Variants in APLN observed in about 807,000 individuals in gnomAD.
The protein encoded by APLN is AGTRL1 ligand.
APLN carries 2 observed loss-of-function variants against 4.3 expected under a neutral mutation model. That is an observed-to-expected ratio of 0.46 (90% CI 0.19 to 1.45). The LOEUF (loss-of-function observed/expected upper bound fraction) is 1.45. Among genes scored for constraint, APLN ranks in the 40% most tolerant of loss-of-function variants. The pLI is 0.25. For synonymous variants in APLN, 34 were observed against 30.4 expected (o/e 1.12, Z -0.38); for missense variants, 80 against 70.0 (o/e 1.14, Z -0.51).
rs941524515 is a variant in APLN at position 129,654,931 on chromosome X, G to T, written c.-301C>A. 1.4e-5 allele frequency: 2 copies of T among 141,091 alleles called. No individual in the cohort carries two copies. The highest frequency in any genetic ancestry group is 2.8e-5 in the Non-Finnish European group (2 of 71,258). The allele number at this position is 141,091 out of a possible 1,213,427, so 11.6% of individuals were successfully genotyped here. ...CTCGGCCGCGGCTGCAACTGCCCGT[G>T]ACCCCGGCTGCCAGAGAGAATGCTC... On this transcript the variant is annotated 5_prime_UTR_variant, in exon 1 of 3. Coordinates refer to ENST00000429967, the MANE Select transcript of APLN (RefSeq NM_017413.5).
At position 129,647,888 on chromosome X, in the gene APLN, G is replaced by A. The variant is rs1037317423; in HGVS notation, c.*35C>T. The A allele has an allele frequency of 3.9e-5, 38 of 983,193 alleles. No individual in the cohort carries two copies. Among genetic ancestry groups the A allele is most frequent in the Non-Finnish European group, 4.9e-5 (37 of 756,087 alleles). The allele number at this position is 983,193 out of a possible 1,213,427, so 81.0% of individuals were successfully genotyped here. ...AATCTATGGAGGAGACATAACCGCC[G>A]GGGGTGGGCACTTGGGGGCCCCTTC... On this transcript the variant is annotated 3_prime_UTR_variant, in exon 3 of 3. Coordinates refer to ENST00000429967, the MANE Select transcript of APLN (RefSeq NM_017413.5).
intron 1 of APLN, 92 bp downstream of exon 1, chrX:129,654,472 G>T: frequency 3.4e-6 from 3 of 884,094 alleles, no homozygotes; most frequent in South Asian, 3.0e-5. Flanking sequence ...GGCTCGCGCC[G>T]GGCTCCCCGG....
intron 1 of APLN, among the ~76,000 whole-genome samples, chrX:129,649,718 A>C (rs1936967015): frequency 9.0e-6 from 1 of 111,187 alleles, no homozygotes; most frequent in Admixed American, 9.5e-5. Flanking sequence ...TGTCTCATGT[A>C]AATTCCTTCC....
chrX:129,654,530 T>A, intron 1 of APLN, 34 bp downstream of exon 1: 1 of 1,139,786 alleles, frequency 8.8e-7, no homozygotes, highest in Non-Finnish European at 1.2e-6. Context: ...GCACGCCGGC[T>A]GCAGCCCGGG....
In APLN at chrX:129,646,342, G is replaced by A. The variant is rs1158574170; in HGVS notation, c.*1581C>T. 1.8e-5 allele frequency: 2 copies of A among 112,811 alleles called. No individual in the cohort carries two copies. Among genetic ancestry groups the A allele is most frequent in the Non-Finnish European group, 3.8e-5 (2 of 53,199 alleles). The allele number at this position is 112,811 out of a possible 1,213,427, so 9.3% of individuals were successfully genotyped here. A position where few individuals can be genotyped will look rare whatever the true frequency, so the allele number is the denominator to read the frequency against. ...CCACACACACAAAGTTGGGCATCAG[G>A]CTCTTGTCTTCTCTTTCTCCCTCCT... is the stretch of plus-strand genomic sequence containing the variant. On this transcript the variant is annotated 3_prime_UTR_variant, in exon 3 of 3. Transcript: ENST00000429967.
intron 1 of APLN, 31 bp downstream of exon 1, chrX:129,654,533 A>C: frequency 1.8e-6 from 2 of 1,141,351 alleles, no homozygotes; most frequent in Middle Eastern, 2.8e-4. Flanking sequence ...CGCCGGCTGC[A>C]GCCCGGGCGA....
rs1278471552 is a variant in APLN at position 129,654,544 on chromosome X, G to A, written c.67+20C>T. On this transcript the variant is annotated intron_variant, in intron 1 of 2. Transcript: ENST00000429967. ...AGCACGCCGGCTGCAGCCCGGGCGA[G>A]CGGGAGGGCGCGCACTCACCTCCAC... The A allele has an allele frequency of 1.4e-5, 16 of 1,146,265 alleles. No homozygotes were observed. The highest frequency in any genetic ancestry group is 1.8e-5 in the African/African-American group (1 of 54,387). The allele number at this position is 1,146,265 out of a possible 1,213,427, so 94.5% of individuals were successfully genotyped here. A position where few individuals can be genotyped will look rare whatever the true frequency, so the allele number is the denominator to read the frequency against.
intron 2 of APLN, among the ~76,000 whole-genome samples, chrX:129,648,223 C>A (rs7878332): frequency 8.9e-6 from 1 of 111,736 alleles, no homozygotes; most frequent in African/African-American, 3.3e-5. Context: ...CTGAGAGCCC[C>A]TAGAGCTCTC....
Position 129,654,545 on chromosome X carries a change from C to T in APLN, c.67+19G>A. 3 of 1,144,243 alleles carry T rather than the reference C, an allele frequency of 2.6e-6. No homozygotes were observed. Among genetic ancestry groups the T allele is most frequent in the Non-Finnish European group, 3.5e-6 (3 of 862,869 alleles). 94.3% of individuals were successfully genotyped at this position (1,144,243 alleles called of 1,213,427 possible). On this transcript the variant is annotated intron_variant, in intron 1 of 2. Coordinates refer to ENST00000429967, the MANE Select transcript of APLN (RefSeq NM_017413.5). ...GCACGCCGGCTGCAGCCCGGGCGAG[C>T]GGGAGGGCGCGCACTCACCTCCACA...
At position 129,646,539 on chromosome X, in the gene APLN, C is replaced by G. The variant is rs1485867455; in HGVS notation, c.*1384G>C. ...GCTTTCTTTTCTTCCCTCCTTCCTTCTGCCCTTCCCTTCCTTCTTCTCCCC... is the reference window on the plus strand; with the variant it reads ...GCTTTCTTTTCTTCCCTCCTTCCTTGTGCCCTTCCCTTCCTTCTTCTCCCC... On this transcript the variant is annotated 3_prime_UTR_variant, in exon 3 of 3. Transcript: ENST00000429967. The G allele has an allele frequency of 8.9e-6, 1 of 112,509 alleles. No homozygotes were observed. The allele number at this position is 112,509 out of a possible 1,213,427, so 9.3% of individuals were successfully genotyped here.
At chrX:129,652,568 C>T (rs1936985302) in intron 1 of APLN, among the ~76,000 whole-genome samples, 1 of 112,382 alleles carries the variant, frequency 8.9e-6, no homozygotes, top group Non-Finnish European at 1.9e-5. Flanking sequence ...CAGGAGAAGT[C>T]AGGGAGTAGA....
intron 1 of APLN, 24 bp from the exon 2 acceptor site, chrX:129,648,816 A>G (rs1212613977): frequency 2.6e-6 from 3 of 1,143,063 alleles, no homozygotes; most frequent in Non-Finnish European, 3.5e-6. Flanking sequence ...AAAGCCTGTT[A>G]GTGAGGAAGG....
At chrX:129,648,320 C>T (rs1190738165) in intron 2 of APLN, among the ~76,000 whole-genome samples, 1 of 112,410 alleles carries the variant, frequency 8.9e-6, no homozygotes, top group African/African-American at 3.2e-5. Flanking sequence ...TAAGGTCCAC[C>T]AGGATGTCTA....
intron 1 of APLN, among the ~76,000 whole-genome samples, chrX:129,651,179 G>A (rs1442481232): frequency 2.7e-5 from 3 of 111,161 alleles, no homozygotes; most frequent in African/African-American, 9.9e-5. Flanking sequence ...TAGGTCTGCA[G>A]AGAAGAACCA....
rs1240798662 is a variant in APLN at position 129,646,536 on chromosome X, CT to C, written c.*1386del. 8.9e-6 allele frequency: 1 copy of C among 112,364 alleles called. No individual in the cohort carries two copies. 9.3% of individuals were successfully genotyped at this position (112,364 alleles called of 1,213,427 possible). A position where few individuals can be genotyped will look rare whatever the true frequency, so the allele number is the denominator to read the frequency against. On this transcript the variant is annotated 3_prime_UTR_variant, in exon 3 of 3. Transcript: ENST00000429967. Reference sequence around the variant, plus strand: ...TTTGCTTTCTTTTCTTCCCTCCTTCCTTCTGCCCTTCCCTTCCTTCTTCTCC... The same window carrying C: ...TTTGCTTTCTTTTCTTCCCTCCTTCCTCTGCCCTTCCCTTCCTTCTTCTCC...
At position 129,647,860 on chromosome X, in the gene APLN, A is replaced by C. The variant is rs1366991324; in HGVS notation, c.*63T>G. On this transcript the variant is annotated 3_prime_UTR_variant, in exon 3 of 3. Transcript: ENST00000429967. ...GGACGTGAGGCCTCCAGAGAAGCAG[A>C]CCAATCTATGGAGGAGACATAACCG... is the stretch of plus-strand genomic sequence containing the variant. The C allele has an allele frequency of 4.1e-6, 4 of 981,247 alleles. No individual in the cohort carries two copies. The African/African-American group carries it at 8.0e-5, about 20-fold the overall frequency. 80.9% of individuals were successfully genotyped at this position (981,247 alleles called of 1,213,427 possible).
intron 1 of APLN, among the ~76,000 whole-genome samples, chrX:129,649,231 G>C (rs765434617): frequency 8.9e-6 from 1 of 112,330 alleles, no homozygotes; most frequent in South Asian, 3.7e-4. Flanking sequence ...CCATCACCCA[G>C]ATTCAACAGT....
In APLN at chrX:129,647,310, T is replaced by C. The variant is rs981946631; in HGVS notation, c.*613A>G. ...ACAAAGGACTTCACGGGCCCCTCTC[T>C]ACCTCTCCCTTAACTGAGCAAACGC... On this transcript the variant is annotated 3_prime_UTR_variant, in exon 3 of 3. Coordinates refer to ENST00000429967, the MANE Select transcript of APLN (RefSeq NM_017413.5). 20 of 196,834 alleles carry C rather than the reference T, an allele frequency of 1.0e-4. No homozygotes were observed. The highest frequency in any genetic ancestry group is 1.5e-4 in the Non-Finnish European group (16 of 104,045). The allele number at this position is 196,834 out of a possible 1,213,427, so 16.2% of individuals were successfully genotyped here.
chrX:129,646,860 C>G lies in APLN; in HGVS notation c.*1063G>C, dbSNP rs1288207589. The G allele has an allele frequency of 3.6e-5, 4 of 112,675 alleles. No homozygotes were observed. Among genetic ancestry groups the G allele is most frequent in the Non-Finnish European group, 7.5e-5 (4 of 53,372 alleles). 9.3% of individuals were successfully genotyped at this position (112,675 alleles called of 1,213,427 possible). On this transcript the variant is annotated 3_prime_UTR_variant, in exon 3 of 3. Coordinates refer to ENST00000429967, the MANE Select transcript of APLN (RefSeq NM_017413.5). ...AGCCCCACAACAGGACAGTTCACAG[C>G]CAGCTTGCCTCTCCCTTCCCTTCCC...
Sources: gnomAD v4.1 joint callset for allele counts (sites outside exome capture counted in the v4.1 genomes callset) on GRCh38, gnomAD v4.1.1 for gene constraint, MANE v1.5 for transcripts, NCBI Gene and HGNC (gene_info 2026-07-23, HGNC 2026-07-21) for gene names.